The following MIGA1 variants were observed in gnomAD, a reference collection of about 807,000 sequenced individuals.
The protein encoded by MIGA1 is family with sequence similarity 73, member A.
Under a neutral mutation model 82.0 loss-of-function variants are expected in MIGA1, and 58 were observed. That is an observed-to-expected ratio of 0.71 (90% CI 0.57 to 0.88). MIGA1 has a LOEUF of 0.88. Among genes scored for constraint, MIGA1 ranks in the 40% least tolerant of loss-of-function variants. The pLI is 0.00. For missense variants in MIGA1, 751 were observed against 749.1 expected, an observed-to-expected ratio of 1.00 and a Z score of -0.03; for synonymous variants, 249 against 253.6, an observed-to-expected ratio of 0.98 and a Z score of 0.17.
chr1:77,844,100 TAAAAAA>T (rs140327554), intron 8 of MIGA1, among the ~76,000 whole-genome samples: 7 of 68,436 alleles, frequency 1.0e-4, no homozygotes, highest in African/African-American at 4.5e-4. Context: ...GACCCTGTCT[TAAAAAA>T]AAAAAAAATA....
At chr1:77,869,769 G>A (rs1167496325) in intron 14 of MIGA1, among the ~76,000 whole-genome samples, 2 of 102,666 alleles carry the variant, frequency 1.9e-5, no homozygotes, top group African/African-American at 8.2e-5. Context: ...CGGACGGGGC[G>A]GCTGGCCGGG....
In MIGA1 at chr1:77,815,283, A is replaced by G. The variant is rs1197247133; in HGVS notation, c.895+52A>G. The G allele has an allele frequency of 8.5e-6, 12 of 1,404,710 alleles. No homozygotes were observed. The Admixed American group carries it at 8.8e-5, about 10-fold the overall frequency. 87.0% of individuals were successfully genotyped at this position (1,404,710 alleles called of 1,614,324 possible). On this transcript the variant is annotated intron_variant, in intron 7 of 15. Transcript: ENST00000370791. ...TATGAAATGTTTACTTTTCTTTTAT[A>G]TCCTTGGAATCATCTGCATAAGTGT...
chr1:77,850,866 T>C (rs542164269), intron 8 of MIGA1, among the ~76,000 whole-genome samples: 1,933 of 151,866 alleles, frequency 0.013, 26 homozygotes, highest in African/African-American at 0.022. Context: ...TTCTTTCTTT[T>C]TTTTTTTGTT....
chr1:77,804,130 A>G (rs971513186), intron 4 of MIGA1, among the ~76,000 whole-genome samples: 1 of 152,204 alleles, frequency 6.6e-6, no homozygotes, highest in South Asian at 2.1e-4. Flanking sequence ...AAGCTGGACA[A>G]TGCAGCCAGA....
In MIGA1 at chr1:77,783,257, C is replaced by T; in HGVS notation, c.101C>T (p.Ser34Leu). The change falls in exon 2 of 16, where the codon TCA becomes TTA. Residue 34 changes from serine to leucine, a missense_variant. Physicochemically the swap from Ser to Leu is moderately radical, Grantham distance 145. Coordinates refer to ENST00000370791, the MANE Select transcript of MIGA1 (RefSeq NM_198549.4). Reference sequence around the variant, plus strand: ...ATGAAGATTAGAAGAGGAGCCATGTCAGAAGAAACAGTAAGTGAATCACAG... The same window carrying T: ...ATGAAGATTAGAAGAGGAGCCATGTTAGAAGAAACAGTAAGTGAATCACAG... 6.3e-7 allele frequency: 1 copy of T among 1,590,352 alleles called. No individual in the cohort carries two copies. The highest frequency in any genetic ancestry group is 2.2e-5 in the East Asian group (1 of 44,716).
intron 8 of MIGA1, among the ~76,000 whole-genome samples, chr1:77,844,135 T>TATATATATAG (rs1376030825): frequency 1.1e-4 from 12 of 112,526 alleles, no homozygotes; most frequent in African/African-American, 4.2e-4. Flanking sequence ...TATATATATA[T>TATATATATAG]ATAGATAGAT....
Position 77,801,493 on chromosome 1 carries a change from GCAGCAT to G in MIGA1, c.362_367del (p.Ala121_Ser122del). ...CCTCATACTTGAATACACTAAAAGA[GCAGCAT>G]CAGACAAAGGTATGTGGAAATAGTT... is the stretch of plus-strand genomic sequence containing the variant. On this transcript the variant is annotated inframe_deletion, in exon 3 of 16. Coordinates refer to ENST00000370791, the MANE Select transcript of MIGA1 (RefSeq NM_198549.4). The G allele has an allele frequency of 6.3e-7, 1 of 1,599,016 alleles. No individual in the cohort carries two copies. The highest frequency in any genetic ancestry group is 8.5e-7 in the Non-Finnish European group (1 of 1,177,044).
chr1:77,779,891 C>A, intron 1 of MIGA1, 155 bp downstream of exon 1: 1 of 1,423,710 alleles, frequency 7.0e-7, no homozygotes, highest in Admixed American at 2.9e-5. Context: ...CGGCGGAAAG[C>A]CAGAGGGTCT....
At chr1:77,859,195 G>A in intron 9 of MIGA1, 119 bp from the exon 10 acceptor site, 1 of 986,766 alleles carries the variant, frequency 1.0e-6, no homozygotes, top group Non-Finnish European at 1.6e-6. Context: ...TGTTCTGTCA[G>A]TATTGAAAAA....
intron 7 of MIGA1, among the ~76,000 whole-genome samples, chr1:77,819,630 C>T (rs745487892): frequency 1.3e-5 from 2 of 152,032 alleles, no homozygotes; most frequent in Non-Finnish European, 2.9e-5. Context: ...GTTGCCCAGG[C>T]TGGAGTGCAG....
intron 7 of MIGA1, among the ~76,000 whole-genome samples, chr1:77,840,698 G>A (rs974219736): frequency 4.6e-5 from 7 of 152,144 alleles, no homozygotes; most frequent in Admixed American, 6.6e-5. Context: ...TGTAATCTCA[G>A]CTACTTGGGA....
chr1:77,790,208 G>A (rs1483535003), intron 2 of MIGA1, among the ~76,000 whole-genome samples: 2 of 152,112 alleles, frequency 1.3e-5, no homozygotes, highest in Non-Finnish European at 2.9e-5. Context: ...TGTAACCACA[G>A]CCTCTATCAA....
chr1:77,857,783 A>T (rs1406647053), intron 8 of MIGA1, among the ~76,000 whole-genome samples: 1 of 75,266 alleles, frequency 1.3e-5, no homozygotes. Context: ...ATTGTTTTTT[A>T]ATGAACTGTC....
intron 8 of MIGA1, among the ~76,000 whole-genome samples, chr1:77,850,368 G>T (rs1334311238): frequency 6.6e-6 from 1 of 152,168 alleles, no homozygotes; most frequent in Admixed American, 6.5e-5. Flanking sequence ...CAGGGTGAGA[G>T]AATCATTGAA....
At chr1:77,794,079 G>A (rs1570926380) in intron 2 of MIGA1, among the ~76,000 whole-genome samples, 3 of 152,176 alleles carry the variant, frequency 2.0e-5, no homozygotes, top group South Asian at 2.1e-4. Flanking sequence ...ATGAGCCACC[G>A]CGCCCGGCCT....
intron 2 of MIGA1, among the ~76,000 whole-genome samples, chr1:77,789,984 T>TA (rs1557894505): frequency 6.6e-6 from 1 of 152,308 alleles, no homozygotes; most frequent in East Asian, 1.9e-4. Context: ...ACTAGGTTGG[T>TA]ACAGCTTATT....
intron 7 of MIGA1, among the ~76,000 whole-genome samples, chr1:77,828,059 T>TAAAA (rs1684098952): frequency 6.7e-6 from 1 of 150,160 alleles, no homozygotes; most frequent in African/African-American, 2.4e-5. Context: ...CTTTGTCTTA[T>TAAAA]AAATAAATAA....
intron 7 of MIGA1, among the ~76,000 whole-genome samples, chr1:77,820,467 A>G (rs1272548902): frequency 3.9e-5 from 6 of 152,194 alleles, no homozygotes; most frequent in Admixed American, 3.3e-4. Flanking sequence ...TGAAAAATTA[A>G]CATATAGAGT....
chr1:77,803,381 C>G lies in MIGA1; in HGVS notation c.485C>G (p.Ser162Ter), dbSNP rs747246274. ...AATGGAGGACTTTTCAGTAAATATTCAGGTTCTGCACAGAGTTTGGCCTCT... is the reference window on the plus strand; with the variant it reads ...AATGGAGGACTTTTCAGTAAATATTGAGGTTCTGCACAGAGTTTGGCCTCT... The change falls in exon 4 of 16, where the codon TCA becomes TGA. Residue 162 changes from serine (S) to a stop codon, truncating the protein, a stop_gained. Transcript: ENST00000370791. LOFTEE classifies it high-confidence loss of function. 6.4e-7 allele frequency: 1 copy of G among 1,560,306 alleles called. No homozygotes were observed. The highest frequency in any genetic ancestry group is 8.7e-7 in the Non-Finnish European group (1 of 1,152,074).
Sources: gnomAD v4.1 joint callset for allele counts (sites outside exome capture counted in the v4.1 genomes callset) on GRCh38, gnomAD v4.1.1 for gene constraint, MANE v1.5 for transcripts, NCBI Gene and HGNC (gene_info 2026-07-23, HGNC 2026-07-21) for gene names.